UNC13C: variants seen among roughly 807,000 people sequenced by gnomAD.
The protein encoded by UNC13C is unc-13 homolog C.
UNC13C carries 174 observed loss-of-function variants against 245.4 expected under a neutral mutation model. The ratio of observed to expected loss-of-function variants is 0.71; its 90% confidence interval spans 0.63 to 0.80. The LOEUF is 0.80. Ranked by LOEUF, UNC13C falls within the 30% of genes least tolerant of loss-of-function variation. UNC13C has a pLI of 0.00. For synonymous variants in UNC13C, 992 were observed against 895.1 expected, an observed-to-expected ratio of 1.11 and a Z score of -1.93; for missense variants, 2,829 against 2,602.9, an observed-to-expected ratio of 1.09 and a Z score of -1.89.
intron 15 of UNC13C, 104 bp downstream of exon 15, chr15:54,332,215 T>C (rs752923572): frequency 2.8e-5 from 22 of 792,704 alleles, no homozygotes; most frequent in Non-Finnish European, 3.8e-5. Flanking sequence ...AATAAAAATA[T>C]TGATCTCAGG....
chr15:54,051,151 T>C (rs1365361209), intron 2 of UNC13C, among the ~76,000 whole-genome samples: 1 of 152,234 alleles, frequency 6.6e-6, no homozygotes, highest in African/African-American at 2.4e-5. Context: ...AATCTTTTAT[T>C]GCATCTGTAT....
At chr15:54,466,019 G>A (rs1892145296) in intron 19 of UNC13C, among the ~76,000 whole-genome samples, 2 of 151,906 alleles carry the variant, frequency 1.3e-5, no homozygotes, top group Admixed American at 1.3e-4. Context: ...TAAAAAGAAT[G>A]GAATCCTGTT....
At chr15:54,631,844 G>T (rs558659392), downstream of UNC13C, 88 of 152,162 alleles carry the variant, frequency 5.8e-4, no homozygotes, top group African/African-American at 2.0e-3. Flanking sequence ...TTTCTTGGGT[G>T]ATTATCTATT....
intron 24 of UNC13C, among the ~76,000 whole-genome samples, chr15:54,514,145 G>A (rs1894869921): frequency 6.6e-6 from 1 of 152,102 alleles, no homozygotes; most frequent in African/African-American, 2.4e-5. Context: ...TATAAACATG[G>A]CAGTATCTAA....
At chr15:53,955,057 T>G in the UNC13C span, among the ~76,000 whole-genome samples, 1 of 152,328 alleles carries the variant, frequency 6.6e-6, no homozygotes, top group South Asian at 2.1e-4. Flanking sequence ...AGAAGAGAAC[T>G]GGAACATAGA....
intron 2 of UNC13C, among the ~76,000 whole-genome samples, chr15:54,108,652 G>C (rs1478381930): frequency 6.6e-6 from 1 of 152,112 alleles, no homozygotes; most frequent in East Asian, 1.9e-4. Context: ...TTTACCTCCA[G>C]TGCTAGATAA....
intron 2 of UNC13C, among the ~76,000 whole-genome samples, chr15:54,027,610 A>C (rs1363130022): frequency 6.6e-6 from 1 of 152,172 alleles, no homozygotes; most frequent in East Asian, 1.9e-4. Context: ...ACTTCAAATG[A>C]TCTGCCTGCC....
At chr15:54,412,809 G>T (rs535848879) in intron 18 of UNC13C, among the ~76,000 whole-genome samples, 1 of 152,010 alleles carries the variant, frequency 6.6e-6, no homozygotes, top group Non-Finnish European at 1.5e-5. Context: ...ACAGAATTTA[G>T]GAACTCCAGC....
intron 4 of UNC13C, among the ~76,000 whole-genome samples, chr15:54,177,222 A>G (rs1435517519): frequency 6.6e-6 from 1 of 152,242 alleles, no homozygotes; most frequent in African/African-American, 2.4e-5. Flanking sequence ...TGCAGGTACA[A>G]TTTTATCAAA....
rs950105316 is a variant in UNC13C, at chr15:54,282,684, C to T, written c.3819-11211C>T. On this transcript the variant is annotated intron_variant, in intron 10 of 32. Transcript: ENST00000260323. Reference sequence around the variant, plus strand: ...AAGTGCAAGGGGCCAGTGTGACAGCCTTTTCTTCCTACCTGCACTCAGTGG... The same window carrying T: ...AAGTGCAAGGGGCCAGTGTGACAGCTTTTTCTTCCTACCTGCACTCAGTGG... Among the ~76,000 whole-genome samples the T allele has an allele frequency of 2.7e-4, 41 of 152,130 alleles. 1 individual carries two copies. Among genetic ancestry groups the T allele is most frequent in the Middle Eastern group, 6.4e-3 (2 of 314 alleles).
intron 17 of UNC13C, among the ~76,000 whole-genome samples, chr15:54,345,131 G>A (rs775203578): frequency 1.3e-5 from 2 of 152,166 alleles, no homozygotes; most frequent in Non-Finnish European, 2.9e-5. Flanking sequence ...TGACTGGAGA[G>A]CCAATGAAGA....
intron 4 of UNC13C, among the ~76,000 whole-genome samples, chr15:54,202,785 G>A (rs7161759): frequency 0.94 from 143,718 of 152,130 alleles, 67,973 homozygotes; most frequent in Non-Finnish European, 0.97. Flanking sequence ...AGAATCCAAA[G>A]GCAAATGCAA....
At chr15:54,585,458 T>C (rs1898438888) in intron 30 of UNC13C, among the ~76,000 whole-genome samples, 1 of 152,178 alleles carries the variant, frequency 6.6e-6, no homozygotes, top group Non-Finnish European at 1.5e-5. Flanking sequence ...TCTGCACAAC[T>C]ATGAGTCAAA....
At chr15:54,604,553 C>T (rs1380490015) in intron 30 of UNC13C, among the ~76,000 whole-genome samples, 1 of 152,144 alleles carries the variant, frequency 6.6e-6, no homozygotes, top group East Asian at 1.9e-4. Context: ...TCCCTGCTTC[C>T]AGTAAAAGCT....
chr15:54,311,231 C>G (rs1264023977), intron 13 of UNC13C, among the ~76,000 whole-genome samples: 2 of 151,550 alleles, frequency 1.3e-5, no homozygotes, highest in African/African-American at 2.4e-5. Context: ...TGTTTAAATC[C>G]CAAGTCACTA....
chr15:54,442,121 T>C (rs116980050), intron 19 of UNC13C, among the ~76,000 whole-genome samples: 9 of 152,052 alleles, frequency 5.9e-5, no homozygotes, highest in Admixed American at 5.2e-4. Context: ...CAAAGAGAGA[T>C]AATTTGACTT....
the UNC13C span, among the ~76,000 whole-genome samples, chr15:53,934,053 CA>C: frequency 4.6e-5 from 7 of 152,148 alleles, no homozygotes; most frequent in Non-Finnish European, 8.8e-5. Context: ...AAAATCATGG[CA>C]AAGGCAAAAG....
the UNC13C span, among the ~76,000 whole-genome samples, chr15:53,886,605 G>A: frequency 1.3e-5 from 2 of 152,134 alleles, no homozygotes; most frequent in Non-Finnish European, 2.9e-5. Context: ...CTAAAAGAGA[G>A]GCAGTATAAT....
chr15:54,540,693 C>G (rs1896204462), intron 26 of UNC13C, among the ~76,000 whole-genome samples: 1 of 152,068 alleles, frequency 6.6e-6, no homozygotes, highest in Admixed American at 6.6e-5. Flanking sequence ...TGCACTTTCT[C>G]CACTAAGACC....
Sources: gnomAD v4.1 joint callset for allele counts (sites outside exome capture counted in the v4.1 genomes callset) on GRCh38, gnomAD v4.1.1 for gene constraint, MANE v1.5 for transcripts, NCBI Gene and HGNC (gene_info 2026-07-23, HGNC 2026-07-21) for gene names.